FGF13: variants seen among roughly 807,000 people sequenced by gnomAD.
The protein encoded by FGF13 is fibroblast growth factor 13.
Under a neutral mutation model 19.5 loss-of-function variants are expected in FGF13, and 2 were observed. That is an observed-to-expected ratio of 0.10 (90% CI 0.04 to 0.32). The LOEUF (loss-of-function observed/expected upper bound fraction) is 0.32. Ranked by LOEUF, FGF13 falls within the 10% of genes least tolerant of loss-of-function variation. The probability of loss-of-function intolerance (pLI) is 1.00; values close to 1 mark genes in which losing one functional copy is unlikely to be tolerated. For missense variants in FGF13, 113 were observed against 192.7 expected, an observed-to-expected ratio of 0.59 and a Z score of 2.45; for synonymous variants, 72 against 76.9, an observed-to-expected ratio of 0.94 and a Z score of 0.33.
intron 1 of FGF13, among the ~76,000 whole-genome samples, chrX:138,940,292 G>A (rs1362431720): frequency 9.0e-6 from 1 of 111,175 alleles, no homozygotes; most frequent in East Asian, 2.8e-4. Context: ...TGTTTTTCTT[G>A]TAAATTTGTT....
Position 138,710,820 on chromosome X carries a change from GTCT to G in FGF13, c.181_183del (p.Arg61del), listed in dbSNP as rs1341206917. On this transcript the variant is annotated inframe_deletion, in exon 1 of 5. Transcript: ENST00000315930. The stretch of plus-strand genomic sequence containing the variant: ...GAAAGCAAAAGCCCTTTCCGACCTG[GTCT>G]TCTTCTGCGCCTCTTCTTGGAGCCG... 4 of 1,210,796 alleles carry G rather than the reference GTCT, an allele frequency of 3.3e-6. No individual in the cohort carries two copies. The highest frequency in any genetic ancestry group is 2.2e-5 in the Admixed American group (1 of 45,975).
At chrX:138,713,041 A>T (rs1332773474), upstream of FGF13, among the ~76,000 whole-genome samples, 1 of 112,264 alleles carries the variant, frequency 8.9e-6, no homozygotes, top group Non-Finnish European at 1.9e-5. Context: ...TTGCTCCATC[A>T]GAAGCACCAC....
downstream of FGF13, among the ~76,000 whole-genome samples, chrX:138,852,636 T>C (rs2124130857): frequency 8.9e-6 from 1 of 111,910 alleles, no homozygotes; most frequent in Admixed American, 9.5e-5. Context: ...ATTCAGGACA[T>C]AGGCATGGGC....
intron 1 of FGF13, among the ~76,000 whole-genome samples, chrX:139,100,278 C>T (rs1427630016): frequency 1.8e-5 from 2 of 109,891 alleles, no homozygotes; most frequent in Non-Finnish European, 3.8e-5. Context: ...ATTAAGGAGG[C>T]GAGGTAAAGC....
intron 3 of FGF13, among the ~76,000 whole-genome samples, chrX:138,748,398 C>T (rs1275374615): frequency 9.0e-6 from 1 of 111,111 alleles, no homozygotes; most frequent in Non-Finnish European, 1.9e-5. Flanking sequence ...AACACTAGAG[C>T]TCAATCTCTT....
At chrX:139,056,467 T>C (rs951592325) in intron 1 of FGF13, among the ~76,000 whole-genome samples, 1 of 112,196 alleles carries the variant, frequency 8.9e-6, no homozygotes, top group African/African-American at 3.2e-5. Context: ...TTTGAAAAAA[T>C]ACAAACTCCA....
intron 1 of FGF13, among the ~76,000 whole-genome samples, chrX:138,909,394 C>A (rs1384196527): frequency 9.0e-6 from 1 of 111,452 alleles, no homozygotes; most frequent in East Asian, 2.8e-4. Context: ...GGCAGCAGAC[C>A]CAATGGAAAG....
At chrX:139,033,962 T>C (rs779704204) in intron 1 of FGF13, among the ~76,000 whole-genome samples, 19 of 111,835 alleles carry the variant, frequency 1.7e-4, no homozygotes, top group Admixed American at 9.5e-4. Flanking sequence ...AAAAGTAATG[T>C]CCAGCTACAG....
chrX:139,064,315 A>G, intron 1 of FGF13, among the ~76,000 whole-genome samples: 1 of 29,236 alleles, frequency 3.4e-5, no homozygotes, highest in Non-Finnish European at 5.2e-5. Flanking sequence ...TTTTTTTTTG[A>G]GACGGAGTCT....
rs202148043 is a variant in FGF13, at chrX:138,984,626, G to A, written c.-112-119976C>T. 2.3e-3 allele frequency among the ~76,000 whole-genome samples: 152 copies of A among 64,984 alleles called. 14 individuals are homozygous for A. Among genetic ancestry groups the A allele is most frequent in the South Asian group, 4.8e-3 (5 of 1,052 alleles). 56.4% of individuals were successfully genotyped at this position (64,984 alleles called of 115,157 possible). A position where few individuals can be genotyped will look rare whatever the true frequency, so the allele number is the denominator to read the frequency against. ...AGGAGGAGGAGGAGGATGAGGAAGAGGAGGAGGAGGAGGAGGAGAAGAAGA... is the reference window on the plus strand; with the variant it reads ...AGGAGGAGGAGGAGGATGAGGAAGAAGAGGAGGAGGAGGAGGAGAAGAAGA... On this transcript the variant is annotated intron_variant, in intron 1 of 2. Transcript: ENST00000421460.
At chrX:138,898,387 C>T (rs1263128299) in intron 1 of FGF13, among the ~76,000 whole-genome samples, 1 of 112,056 alleles carries the variant, frequency 8.9e-6, no homozygotes, top group Non-Finnish European at 1.9e-5. Context: ...AGGCAATTTA[C>T]CACGTGCTAA....
chrX:139,066,941 G>C (rs1340868791), intron 1 of FGF13, among the ~76,000 whole-genome samples: 1 of 111,414 alleles, frequency 9.0e-6, no homozygotes, highest in Non-Finnish European at 1.9e-5. Context: ...TCACGATCAA[G>C]TCGGCTTCAT....
At chrX:139,012,261 C>T (rs2092132249) in intron 1 of FGF13, among the ~76,000 whole-genome samples, 1 of 111,501 alleles carries the variant, frequency 9.0e-6, no homozygotes, top group African/African-American at 3.3e-5. Context: ...TTTAAATGAC[C>T]ATACCACCAA....
chrX:138,990,309 A>G, intron 1 of FGF13, among the ~76,000 whole-genome samples: 1 of 110,647 alleles, frequency 9.0e-6, no homozygotes, highest in Admixed American at 9.7e-5. Context: ...ACCCATAAAA[A>G]TTAAATTATT....
chrX:138,751,651 G>A (rs1002955667), intron 3 of FGF13, among the ~76,000 whole-genome samples: 3 of 111,358 alleles, frequency 2.7e-5, no homozygotes, highest in Admixed American at 9.5e-5. Flanking sequence ...AGAAAATTAT[G>A]TTCACAGGCT....
chrX:139,124,957 C>G (rs757096464), intron 1 of FGF13, among the ~76,000 whole-genome samples: 1 of 111,912 alleles, frequency 8.9e-6, no homozygotes, highest in East Asian at 2.8e-4. Context: ...TGCTAACTCC[C>G]ATCCCAGCTG....
At chrX:139,179,134 T>C (rs2084217813) in intron 1 of FGF13, among the ~76,000 whole-genome samples, 1 of 111,969 alleles carries the variant, frequency 8.9e-6, no homozygotes, top group Non-Finnish European at 1.9e-5. Flanking sequence ...CTATGGCCAA[T>C]ATTCCATGAT....
rs746344431 is a variant in FGF13, at chrX:138,622,858, A to T, written c.*9992T>A. On this transcript the variant is annotated 3_prime_UTR_variant, in exon 5 of 5. Coordinates refer to ENST00000315930, the MANE Select transcript of FGF13 (RefSeq NM_004114.5). ...TTGATAGGGCTTGCATTGACTCTGT[A>T]GATCACTTTAGTTAGTATTAACATT... 1 of 112,061 alleles carries T rather than the reference A, an allele frequency of 8.9e-6. No individual in the cohort carries two copies. The highest frequency in any genetic ancestry group is 9.4e-5 in the Admixed American group (1 of 10,587). 9.2% of individuals were successfully genotyped at this position (112,061 alleles called of 1,213,427 possible).
intron 2 of FGF13, among the ~76,000 whole-genome samples, chrX:138,705,231 G>A (rs745621950): frequency 4.5e-5 from 5 of 111,458 alleles, no homozygotes; most frequent in Non-Finnish European, 7.5e-5. Flanking sequence ...TAGAACTTCA[G>A]TTTTTAAAAT....
Sources: allele counts gnomAD v4.1 joint callset (sites outside exome capture counted in the v4.1 genomes callset), GRCh38; gene constraint gnomAD v4.1.1; transcripts MANE v1.5; gene names NCBI Gene and HGNC (gene_info 2026-07-23, HGNC 2026-07-21).